RFC3: variants seen among roughly 807,000 people sequenced by gnomAD.
RFC3 encodes A1 38 kDa subunit.
RFC3 carries 41 observed loss-of-function variants against 45.1 expected under a neutral mutation model. That is an observed-to-expected ratio of 0.91 (90% confidence interval 0.71 to 1.18). The LOEUF (loss-of-function observed/expected upper bound fraction) is 1.18. Among genes scored for constraint, RFC3 ranks in the 50% most tolerant of loss-of-function variants. The probability of loss-of-function intolerance (pLI) is 0.00; values close to 1 mark genes in which losing one functional copy is unlikely to be tolerated. For synonymous variants in RFC3, 149 were observed against 144.0 expected, an observed-to-expected ratio of 1.03 and a Z score of -0.25; for missense variants, 423 against 428.1, an observed-to-expected ratio of 0.99 and a Z score of 0.10.
Position 33,830,788 on chromosome 13 carries a change from C to G in RFC3, c.643C>G (p.Leu215Val), listed in dbSNP as rs533454974. The change falls in exon 6 of 9, where the codon CTT becomes GTT. Residue 215 changes from leucine (L) to valine (V), a missense_variant. Coordinates refer to ENST00000380071, the MANE Select transcript of RFC3 (RefSeq NM_002915.4). ...TCTTCCTTCACAACTGGCTCATAGA[C>G]TTGCAGAGAAGTCTTGTAGAAATCT... Reference protein sequence around the residue: ...LNLPSQLAHRLAEKSCRNLRK... With the variant: ...LNLPSQLAHRVAEKSCRNLRK... 6 of 1,613,466 alleles carry G rather than the reference C, an allele frequency of 3.7e-6. No individual in the cohort carries two copies. The highest frequency in any genetic ancestry group is 1.3e-5 in the African/African-American group (1 of 75,014).
chr13:33,935,889 G>GC (rs1302514415), intron 8 of RFC3, among the ~76,000 whole-genome samples: 2 of 152,162 alleles, frequency 1.3e-5, no homozygotes, highest in Admixed American at 1.3e-4. Flanking sequence ...GAATGACCTG[G>GC]TAGGGGAAAA....
At chr13:33,891,850 C>CTA (rs1377549805) in intron 8 of RFC3, among the ~76,000 whole-genome samples, 1 of 151,946 alleles carries the variant, frequency 6.6e-6, no homozygotes, top group Non-Finnish European at 1.5e-5. Flanking sequence ...GCTTAAAGTC[C>CTA]TATGTCCCAT....
Position 33,836,570 on chromosome 13 carries a change from A to G in RFC3, c.*275A>G. ...TTGGTTATTCAAGTATTCATTGTTG[A>G]TCCTCCTATTCTCTTCCGTCTAATC... On this transcript the variant is annotated 3_prime_UTR_variant, in exon 9 of 9. Coordinates refer to ENST00000380071, the MANE Select transcript of RFC3 (RefSeq NM_002915.4). The G allele has an allele frequency of 8.9e-7, 1 of 1,121,764 alleles. No homozygotes were observed. 69.5% of individuals were successfully genotyped at this position (1,121,764 alleles called of 1,614,324 possible). A position where few individuals can be genotyped will look rare whatever the true frequency, so the allele number is the denominator to read the frequency against.
chr13:33,910,117 A>G (rs910106886), intron 8 of RFC3, among the ~76,000 whole-genome samples: 1 of 152,184 alleles, frequency 6.6e-6, no homozygotes, highest in South Asian at 2.1e-4. Context: ...GACTACATAC[A>G]TTAATTCACT....
intron 8 of RFC3, among the ~76,000 whole-genome samples, chr13:33,954,489 T>C (rs2083009140): frequency 6.6e-6 from 1 of 152,220 alleles, no homozygotes; most frequent in Admixed American, 6.5e-5. Context: ...AATTTGAGGA[T>C]AGGGCCAACT....
At chr13:33,941,147 T>C (rs2082921486) in intron 8 of RFC3, among the ~76,000 whole-genome samples, 1 of 152,088 alleles carries the variant, frequency 6.6e-6, no homozygotes, top group African/African-American at 2.4e-5. Flanking sequence ...GGGAGGAGGC[T>C]GTTCTCTTCA....
chr13:33,926,808 G>A (rs957486253), intron 8 of RFC3, among the ~76,000 whole-genome samples: 5 of 150,884 alleles, frequency 3.3e-5, no homozygotes, highest in African/African-American at 1.2e-4. Flanking sequence ...CCAGGCTTTG[G>A]TCATTGTACA....
In RFC3 at chr13:33,831,330, T is replaced by A; in HGVS notation, c.785T>A (p.Ile262Asn). ...EVYLRETANA[I>N]VSQQTPQRLL... ...TATCTGAGGGAGACTGCAAATGCTA[T>A]TGTCAGTCAGCAAACTCCACAAAGG... The change falls in exon 7 of 9, where the codon ATT becomes AAT. Residue 262 changes from isoleucine to asparagine, a missense_variant. By Grantham distance (149) the Ile-to-Asn change is moderately radical. Transcript: ENST00000380071. 1 of 1,607,386 alleles carries A rather than the reference T, an allele frequency of 6.2e-7. No homozygotes were observed. Among genetic ancestry groups the A allele is most frequent in the Non-Finnish European group, 8.5e-7 (1 of 1,173,826 alleles).
intron 8 of RFC3, among the ~76,000 whole-genome samples, chr13:33,960,783 C>G (rs1461864702): frequency 6.6e-6 from 1 of 152,182 alleles, no homozygotes; most frequent in Non-Finnish European, 1.5e-5. Flanking sequence ...CACTCATGCC[C>G]CAGATGGAGA....
At chr13:33,924,322 C>A (rs2082788327) in intron 8 of RFC3, among the ~76,000 whole-genome samples, 1 of 152,044 alleles carries the variant, frequency 6.6e-6, no homozygotes, top group Non-Finnish European at 1.5e-5. Flanking sequence ...CAGGTATAAT[C>A]TTCCTTCTCA....
chr13:33,901,138 C>G (rs2082639367), intron 8 of RFC3, among the ~76,000 whole-genome samples: 1 of 151,836 alleles, frequency 6.6e-6, no homozygotes, highest in African/African-American at 2.4e-5. Flanking sequence ...TATGGAAATT[C>G]GTCACAAAAA....
chr13:33,834,306 A>G lies in RFC3; in HGVS notation c.810-842A>G, dbSNP rs1419567819. 4.6e-3 allele frequency among the ~76,000 whole-genome samples: 570 copies of G among 123,650 alleles called. 18 individuals are homozygous for G. Among genetic ancestry groups the G allele is most frequent in the African/African-American group, 0.019 (498 of 26,298 alleles). 81.1% of individuals were successfully genotyped at this position (123,650 alleles called of 152,430 possible). ...GAACATCTGTACTGTGTGTATATAT[A>G]TATATATATATATATATATATATAT... On this transcript the variant is annotated intron_variant, in intron 7 of 8. Coordinates refer to ENST00000380071, the MANE Select transcript of RFC3 (RefSeq NM_002915.4).
At chr13:33,896,711 CAAAAAAAAAA>C (rs56129519) in intron 8 of RFC3, among the ~76,000 whole-genome samples, 65 of 42,108 alleles carry the variant, frequency 1.5e-3, no homozygotes, top group African/African-American at 4.2e-3. Flanking sequence ...GACTTTGTCT[CAAAAAAAAAA>C]AAAAAAAAAA....
chr13:33,916,645 C>T (rs578071195), intron 8 of RFC3, among the ~76,000 whole-genome samples: 7 of 152,136 alleles, frequency 4.6e-5, no homozygotes, highest in Middle Eastern at 3.4e-3. Flanking sequence ...AATGTATGTA[C>T]GTAGATGTCT....
chr13:33,931,999 G>A (rs2082855559), intron 8 of RFC3, among the ~76,000 whole-genome samples: 1 of 152,022 alleles, frequency 6.6e-6, no homozygotes, highest in African/African-American at 2.4e-5. Flanking sequence ...GTGTGTGTTT[G>A]TATTCTGAGA....
At chr13:33,825,431 T>G (rs2082040009) in intron 3 of RFC3, among the ~76,000 whole-genome samples, 1 of 152,172 alleles carries the variant, frequency 6.6e-6, no homozygotes, top group Non-Finnish European at 1.5e-5. Context: ...ACGTTTTGTA[T>G]TTTCAACAAT....
At chr13:33,834,427 A>G (rs1425516524) in intron 7 of RFC3, among the ~76,000 whole-genome samples, 3 of 142,886 alleles carry the variant, frequency 2.1e-5, no homozygotes, top group Non-Finnish European at 4.5e-5. Flanking sequence ...CGTCATATGT[A>G]CATTTCCCTC....
intron 8 of RFC3, among the ~76,000 whole-genome samples, chr13:33,860,078 C>G (rs1283636617): frequency 1.3e-5 from 2 of 152,144 alleles, no homozygotes; most frequent in Non-Finnish European, 1.5e-5. Context: ...CATCTGCAAG[C>G]CAAGGGGACA....
At chr13:33,885,464 TA>T (rs1360431705) in intron 8 of RFC3, among the ~76,000 whole-genome samples, 1 of 152,168 alleles carries the variant, frequency 6.6e-6, no homozygotes, top group African/African-American at 2.4e-5. Context: ...ACACATTAAG[TA>T]ATTTCTCAGC....
Sources: gnomAD v4.1 joint callset for allele counts (sites outside exome capture counted in the v4.1 genomes callset) on GRCh38, gnomAD v4.1.1 for gene constraint, MANE v1.5 for transcripts, NCBI Gene and HGNC (gene_info 2026-07-23, HGNC 2026-07-21) for gene names.